The following PCDHA4 variants were observed in gnomAD, a reference collection of about 807,000 sequenced individuals.
The protein encoded by PCDHA4 is protocadherin alpha 4.
Under a neutral mutation model 61.4 loss-of-function variants are expected in PCDHA4, and 49 were observed. The observed-to-expected ratio is 0.80, with a 90% CI of 0.63 to 1.01. The LOEUF is 1.01. Ranked by LOEUF, PCDHA4 falls within the 50% of genes least tolerant of loss-of-function variation. The pLI is 0.00. For synonymous variants in PCDHA4, 590 were observed against 550.3 expected, an observed-to-expected ratio of 1.07 and a Z score of -1.01; for missense variants, 1,254 against 1,235.8, an observed-to-expected ratio of 1.01 and a Z score of -0.22.
At chr5:140,828,617 G>T (rs2150157424) in intron 1 of PCDHA4, 3 of 1,614,158 alleles carry the variant, frequency 1.9e-6, no homozygotes, top group South Asian at 1.1e-5. Flanking sequence ...CAGTTCTAGC[G>T]AATACTTCGG....
intron 1 of PCDHA4, chr5:140,927,951 T>G: frequency 6.2e-7 from 1 of 1,614,198 alleles, no homozygotes; most frequent in Non-Finnish European, 8.5e-7. Context: ...CTGAGGACGC[T>G]GCCCCTGGCA....
chr5:140,816,872 A>G (rs2126675871), intron 1 of PCDHA4: 2 of 151,996 alleles, frequency 1.3e-5, no homozygotes, highest in South Asian at 2.1e-4. Flanking sequence ...GAGCAGCAGT[A>G]TTCACTCAGC....
intron 1 of PCDHA4, chr5:140,824,315 CA>C (rs1768084826): frequency 1.3e-6 from 1 of 747,160 alleles, no homozygotes; most frequent in Non-Finnish European, 2.2e-6. Context: ...ATAGATTCAT[CA>C]GCTTTCTGTG....
At chr5:140,882,534 G>C in intron 1 of PCDHA4, 1 of 1,614,204 alleles carries the variant, frequency 6.2e-7, no homozygotes. Flanking sequence ...GTGAATTCTC[G>C]GATCGACCGC....
chr5:140,824,195 C>T, intron 1 of PCDHA4: 1 of 1,600,340 alleles, frequency 6.2e-7, no homozygotes, highest in Non-Finnish European at 8.6e-7. Flanking sequence ...CACATTCACC[C>T]ACTTTTTTTG....
At chr5:140,813,158 C>T (rs1765237806) in intron 1 of PCDHA4, 1 of 152,146 alleles carries the variant, frequency 6.6e-6, no homozygotes, top group Non-Finnish European at 1.5e-5. Flanking sequence ...AGTTCCATTT[C>T]AGCTATAGTG....
intron 1 of PCDHA4, chr5:140,824,423 T>C: frequency 2.0e-6 from 1 of 504,742 alleles, no homozygotes; most frequent in South Asian, 2.9e-5. Context: ...TTTGGAGTCA[T>C]TCTCAAAGTT....
intron 1 of PCDHA4, chr5:140,830,451 A>G: frequency 6.3e-7 from 1 of 1,597,306 alleles, no homozygotes; most frequent in South Asian, 1.1e-5. Context: ...GGTAAGGCGG[A>G]GAATCAGGAT....
At chr5:140,881,373 AGCCG>A in intron 1 of PCDHA4, 2 of 985,074 alleles carry the variant, frequency 2.0e-6, no homozygotes, top group Non-Finnish European at 2.4e-6. Flanking sequence ...TATGAATTGC[AGCCG>A]GCGGCGGTAA....
At chr5:140,998,056 C>T (rs1162882949) in intron 3 of PCDHA4, among the ~76,000 whole-genome samples, 1 of 152,160 alleles carries the variant, frequency 6.6e-6, no homozygotes, top group Non-Finnish European at 1.5e-5. Context: ...GTGACATCAT[C>T]ATCAACAGAC....
intron 2 of PCDHA4, among the ~76,000 whole-genome samples, chr5:140,980,561 C>T (rs1430874214): frequency 6.6e-6 from 1 of 151,974 alleles, no homozygotes; most frequent in Admixed American, 6.6e-5. Context: ...ACCCGGGAGG[C>T]GGAAGTTGCA....
In PCDHA4 at chr5:140,849,535, C is replaced by T. The variant is rs2150439874; in HGVS notation, c.2385+39963C>T. On this transcript the variant is annotated intron_variant, in intron 1 of 3. Transcript: ENST00000530339. ...GAAGTTGTGGATGTAAATGACAATG[C>T]TCCACAGTTGACTATCAAAACGCTC... 25 of 1,597,860 alleles carry T rather than the reference C, an allele frequency of 1.6e-5. 1 individual carries two copies. In the East Asian group the frequency reaches 4.7e-4, roughly 30 times the overall value.
chr5:141,000,894 ATAGACGCT>A (rs1348330251), intron 3 of PCDHA4, among the ~76,000 whole-genome samples: 1 of 152,128 alleles, frequency 6.6e-6, no homozygotes, highest in African/African-American at 2.4e-5. Context: ...GGCAACAGAT[ATAGACGCT>A]GTCTCTAAAA....
In PCDHA4 at chr5:140,849,990, T is replaced by C. The variant is rs2150462015; in HGVS notation, c.2385+40418T>C. On this transcript the variant is annotated intron_variant, in intron 1 of 3. Coordinates refer to ENST00000530339, the MANE Select transcript of PCDHA4 (RefSeq NM_018907.4). ...GTCCTACTCGCTGGTGGAGCGGCGG[T>C]TGGGCGAGCGCTCGCTGTCGAGCTA... 88 of 1,596,734 alleles carry C rather than the reference T, an allele frequency of 5.5e-5. 7 individuals carry two copies. Among genetic ancestry groups the C allele is most frequent in the Non-Finnish European group, 6.9e-5 (80 of 1,167,720 alleles).
chr5:140,995,102 C>A (rs976806158), intron 3 of PCDHA4, among the ~76,000 whole-genome samples: 3 of 152,312 alleles, frequency 2.0e-5, no homozygotes, highest in Middle Eastern at 6.8e-3. Context: ...GAGATACATT[C>A]CAAGACCCTC....
In PCDHA4 at chr5:140,845,842, G is replaced by A. The variant is rs2150381678; in HGVS notation, c.2385+36270G>A. On this transcript the variant is annotated intron_variant, in intron 1 of 3. Coordinates refer to ENST00000530339, the MANE Select transcript of PCDHA4 (RefSeq NM_018907.4). ...AATTTAGTTATTACCATTCTTAAGA[G>A]AAAAGAAGTTAGTGATTGCAGAAAG... Among the ~76,000 whole-genome samples the A allele has an allele frequency of 1.1e-4, 17 of 149,848 alleles. 1 individual carries two copies. Among genetic ancestry groups the A allele is most frequent in the African/African-American group, 4.1e-4 (17 of 40,984 alleles).
chr5:140,922,939 T>C (rs1206981483), intron 1 of PCDHA4, among the ~76,000 whole-genome samples: 1 of 152,172 alleles, frequency 6.6e-6, no homozygotes, highest in Non-Finnish European at 1.5e-5. Flanking sequence ...CTTCCAGCAA[T>C]GGAAATCCAG....
At position 140,807,209 on chromosome 5, in the gene PCDHA4, G is replaced by C. The variant is rs782421232; in HGVS notation, c.22G>C (p.Gly8Arg). The C allele has an allele frequency of 4.3e-6, 7 of 1,613,838 alleles. No homozygotes were observed. Among genetic ancestry groups the C allele is most frequent in the Non-Finnish European group, 5.9e-6 (7 of 1,179,840 alleles). MEFSWGSGQESRRLLLLL... is the reference protein window; with the variant it reads MEFSWGSRQESRRLLLLL... ...AAAGATGGAGTTTTCCTGGGGAAGCGGCCAGGAATCCCGGCGTCTGCTGCT... is the reference window on the plus strand; with the variant it reads ...AAAGATGGAGTTTTCCTGGGGAAGCCGCCAGGAATCCCGGCGTCTGCTGCT... The change falls in exon 1 of 4, where the codon GGC becomes CGC. Residue 8 changes from glycine (G) to arginine (R), a missense_variant. Gly to Arg is a moderately radical substitution (Grantham distance 125). Transcript: ENST00000530339.
At chr5:140,885,434 T>C (rs1554182149) in intron 1 of PCDHA4, among the ~76,000 whole-genome samples, 1 of 152,158 alleles carries the variant, frequency 6.6e-6, no homozygotes, top group African/African-American at 2.4e-5. Context: ...AGTGTAAGTG[T>C]GCAATTATAT....
Sources: gnomAD v4.1 joint callset for allele counts (sites outside exome capture counted in the v4.1 genomes callset) on GRCh38, gnomAD v4.1.1 for gene constraint, MANE v1.5 for transcripts, NCBI Gene and HGNC (gene_info 2026-07-23, HGNC 2026-07-21) for gene names.